The following MAN2A1 variants were observed in gnomAD, a reference collection of about 807,000 sequenced individuals.
MAN2A1 encodes mannosidase alpha class 2A member 1.
MAN2A1 carries 76 observed loss-of-function variants against 142.6 expected under a neutral mutation model. The observed-to-expected ratio is 0.53, with a 90% confidence interval of 0.44 to 0.65. MAN2A1 has a LOEUF of 0.65. Ranked by LOEUF, MAN2A1 falls within the 30% of genes least tolerant of loss-of-function variation. The probability of loss-of-function intolerance (pLI) is 0.00; values close to 1 mark genes in which losing one functional copy is unlikely to be tolerated. For missense variants in MAN2A1, 1,311 were observed against 1,365.1 expected, an observed-to-expected ratio of 0.96 and a Z score of 0.62; for synonymous variants, 559 against 473.2, an observed-to-expected ratio of 1.18 and a Z score of -2.35.
intron 7 of MAN2A1, among the ~76,000 whole-genome samples, chr5:109,772,498 T>C (rs1052029952): frequency 1.3e-5 from 2 of 152,166 alleles, no homozygotes; most frequent in Non-Finnish European, 2.9e-5. Context: ...TTCCAGCTCA[T>C]TGGCCCCTTT....
rs541188312 is a variant in MAN2A1, at chr5:109,731,932, G to A, written c.707+2419G>A. ...TCTAGTTCTGGATCCCTGAGGAATC[G>A]CCACACTGACTTCCACGATGGTTGA... On this transcript the variant is annotated intron_variant, in intron 4 of 21. Coordinates refer to ENST00000261483, the MANE Select transcript of MAN2A1 (RefSeq NM_002372.4). Among the ~76,000 whole-genome samples, 5 of 150,842 alleles carry A rather than the reference G, an allele frequency of 3.3e-5. No individual in the cohort carries two copies. In the South Asian group the frequency reaches 6.3e-4, roughly 19 times the overall value.
chr5:109,835,783 A>G (rs2112748657), intron 16 of MAN2A1, among the ~76,000 whole-genome samples: 1 of 152,270 alleles, frequency 6.6e-6, no homozygotes, highest in South Asian at 2.1e-4. Flanking sequence ...TATACTTTGC[A>G]TTTCAAAATA....
chr5:109,699,855 A>G (rs980181878), intron 1 of MAN2A1: 1 of 151,994 alleles, frequency 6.6e-6, no homozygotes, highest in African/African-American at 2.4e-5. Context: ...TTAAAGAAAT[A>G]AAAAATGTTA....
At chr5:109,850,557 C>G (rs1034496322) in intron 19 of MAN2A1, among the ~76,000 whole-genome samples, 3 of 152,174 alleles carry the variant, frequency 2.0e-5, no homozygotes, top group African/African-American at 7.2e-5. Flanking sequence ...GACAAGATAG[C>G]TTAGTTTTAA....
chr5:109,820,262 G>A lies in MAN2A1; in HGVS notation c.2371G>A (p.Val791Met), dbSNP rs761389739. 1.9e-6 allele frequency: 3 copies of A among 1,610,046 alleles called. No individual in the cohort carries two copies. Among genetic ancestry groups the A allele is most frequent in the Non-Finnish European group, 2.5e-6 (3 of 1,176,748 alleles). Reference protein sequence around the residue: ...KEDGKHHEVNVQFSWYGTTIK... With the variant: ...KEDGKHHEVNMQFSWYGTTIK... ...AGATGGTAAACACCATGAAGTAAAT[G>A]TGCAATTTTCATGGTATGGAACCAC... The change falls in exon 15 of 22, where the codon GTG (valine) becomes ATG (methionine). Residue 791 changes from valine (V) to methionine (M), a missense_variant. Physicochemically the swap from Val to Met is conservative, Grantham distance 21 (BLOSUM62 1). Transcript: ENST00000261483.
chr5:109,855,063 C>T (rs1755570883), intron 19 of MAN2A1, 77 bp from the exon 20 acceptor site: 4 of 646,240 alleles, frequency 6.2e-6, no homozygotes, highest in South Asian at 4.1e-5. Flanking sequence ...TTATATTAAA[C>T]CCTCTCAGAT....
Position 109,713,538 on chromosome 5 carries a change from C to T in MAN2A1, c.154C>T (p.Gln52Ter), listed in dbSNP as rs1238567964. The T allele has an allele frequency of 6.2e-7, 1 of 1,607,090 alleles. No individual in the cohort carries two copies. Among genetic ancestry groups the T allele is most frequent in the Admixed American group, 1.7e-5 (1 of 59,688 alleles). Reference protein sequence around the residue: ...SFPQGQLSMLQEKIDHLERLL... With the variant: ...SFPQGQLSML ...ATTGTAGGGCCAGCTCTCAATGTTG[C>T]AAGAAAAAATAGACCATTTGGAGCG... The change falls in exon 2 of 22, where the codon CAA becomes TAA. Residue 52 changes from glutamine to a stop codon, truncating the protein, a stop_gained. Coordinates refer to ENST00000261483, the MANE Select transcript of MAN2A1 (RefSeq NM_002372.4). LOFTEE classifies it high-confidence loss of function.
At chr5:109,786,635 A>G (rs1753602419) in intron 10 of MAN2A1, among the ~76,000 whole-genome samples, 3 of 152,104 alleles carry the variant, frequency 2.0e-5, no homozygotes, top group Admixed American at 6.6e-5. Flanking sequence ...GTCATAAACA[A>G]TTACCAAGTC....
At chr5:109,845,058 A>G in intron 17 of MAN2A1, among the ~76,000 whole-genome samples, 1 of 152,200 alleles carries the variant, frequency 6.6e-6, no homozygotes, top group Non-Finnish European at 1.5e-5. Context: ...GTTAATGGGC[A>G]CTTAATACAT....
intron 4 of MAN2A1, among the ~76,000 whole-genome samples, chr5:109,754,380 A>T (rs1242219358): frequency 6.6e-6 from 1 of 152,152 alleles, no homozygotes; most frequent in Non-Finnish European, 1.5e-5. Flanking sequence ...CCCAATAGAC[A>T]AGTAATGAAG....
chr5:109,853,061 T>G (rs1755523001), intron 19 of MAN2A1, among the ~76,000 whole-genome samples: 1 of 152,224 alleles, frequency 6.6e-6, no homozygotes. Context: ...ACACAGTTTT[T>G]AAATTCTTGA....
At position 109,820,318 on chromosome 5, in the gene MAN2A1, C is replaced by T; in HGVS notation, c.2427C>T (p.Leu809=). ...AAAGAGACAAAAGTGGTGCCTACCT[C>T]TTCTTACCTGATGGTAATGCCAAGG... ...TIKRDKSGAY[L]FLPDGNAKPY... Residue 809 remains leucine, a synonymous_variant, in exon 15 of 22, where the codon CTC becomes CTT. Coordinates refer to ENST00000261483, the MANE Select transcript of MAN2A1 (RefSeq NM_002372.4). The T allele has an allele frequency of 6.2e-7, 1 of 1,613,174 alleles. No homozygotes were observed. The highest frequency in any genetic ancestry group is 1.1e-5 in the South Asian group (1 of 90,924).
chr5:109,722,631 G>T (rs189690471), intron 3 of MAN2A1, among the ~76,000 whole-genome samples: 1 of 152,068 alleles, frequency 6.6e-6, no homozygotes, highest in African/African-American at 2.4e-5. Flanking sequence ...GGCCAGGCTG[G>T]TCTAGAACTC....
Position 109,855,258 on chromosome 5 carries a change from A to T in MAN2A1, c.3095A>T (p.Gln1032Leu), listed in dbSNP as rs1199236002. Residue 1032 changes from glutamine to leucine, a missense_variant, in exon 20 of 22, where the codon CAA (glutamine) becomes CTA (leucine). Gln to Leu is a moderately radical substitution (Grantham distance 113, BLOSUM62 -2). This residue lies in a region of MAN2A1 where 890 missense variants were observed against 920.5 expected (regional missense o/e 0.97). Coordinates refer to ENST00000261483, the MANE Select transcript of MAN2A1 (RefSeq NM_002372.4). ...NKFSSPTLEL[Q>L]GEFSPLQSSL... ...TTCTCCTCACCTACCCTTGAGCTGC[A>T]AGGTGAATTCTCTCCATTACAGTCA... is the stretch of plus-strand genomic sequence containing the variant. The T allele has an allele frequency of 6.2e-7, 1 of 1,607,772 alleles. No individual in the cohort carries two copies. The highest frequency in any genetic ancestry group is 8.5e-7 in the Non-Finnish European group (1 of 1,177,808).
intron 5 of MAN2A1, among the ~76,000 whole-genome samples, chr5:109,764,510 T>C (rs768073410): frequency 3.9e-5 from 6 of 152,170 alleles, no homozygotes; most frequent in Non-Finnish European, 7.3e-5. Context: ...TAAAAAGTAT[T>C]GCCAAGAAAA....
intron 10 of MAN2A1, among the ~76,000 whole-genome samples, chr5:109,788,657 G>A (rs530549168): frequency 2.0e-5 from 3 of 151,766 alleles, no homozygotes; most frequent in African/African-American, 7.2e-5. Flanking sequence ...TTATTATTTG[G>A]TGCGATATTC....
At chr5:109,811,022 T>A (rs1222788768) in intron 12 of MAN2A1, among the ~76,000 whole-genome samples, 3 of 151,872 alleles carry the variant, frequency 2.0e-5, no homozygotes, top group African/African-American at 4.8e-5. Context: ...TGTTCTTTAA[T>A]CTCATTTTTA....
intron 6 of MAN2A1, 28 bp downstream of exon 6, chr5:109,767,736 C>A (rs1458824241): frequency 6.3e-7 from 1 of 1,591,116 alleles, no homozygotes; most frequent in Non-Finnish European, 8.5e-7. Flanking sequence ...AAAGTTGATC[C>A]CATTTGGCCT....
intron 12 of MAN2A1, among the ~76,000 whole-genome samples, chr5:109,790,797 G>T (rs957536806): frequency 6.6e-6 from 1 of 151,936 alleles, no homozygotes; most frequent in African/African-American, 2.4e-5. Context: ...CTGGTTATAA[G>T]AATAATATAT....
Sources: gnomAD v4.1 joint callset for allele counts (sites outside exome capture counted in the v4.1 genomes callset) on GRCh38, gnomAD v4.1.1 for gene constraint, gnomAD v4.1.1 regional missense constraint, MANE v1.5 for transcripts, NCBI Gene and HGNC (gene_info 2026-07-23, HGNC 2026-07-21) for gene names.